The following DTWD2 variants were observed in gnomAD, a reference collection of about 807,000 sequenced individuals.
DTWD2 encodes the protein tRNA-uridine aminocarboxypropyltransferase 2.
In DTWD2, 39 loss-of-function variants were observed where a neutral mutation model predicts 31.8. The ratio of observed to expected loss-of-function variants is 1.22; its 90% CI spans 0.95 to 1.60. The LOEUF (loss-of-function observed/expected upper bound fraction) is 1.60, where lower values mean the gene tolerates loss of function less well. DTWD2 is among the 40% of genes most tolerant of loss of function. The pLI is 0.00. For synonymous variants in DTWD2, 180 were observed against 142.8 expected, an observed-to-expected ratio of 1.26 and a Z score of -1.86; for missense variants, 515 against 381.5, an observed-to-expected ratio of 1.35 and a Z score of -2.92.
At chr5:118,879,397 G>A (rs1328768705) in intron 4 of DTWD2, among the ~76,000 whole-genome samples, 1 of 152,050 alleles carries the variant, frequency 6.6e-6, no homozygotes, top group African/African-American at 2.4e-5. Flanking sequence ...GACTTTGGGA[G>A]GTCAAGAGTT....
intron 4 of DTWD2, among the ~76,000 whole-genome samples, chr5:118,873,247 A>T (rs1359629768): frequency 6.6e-6 from 1 of 152,148 alleles, no homozygotes; most frequent in Non-Finnish European, 1.5e-5. Context: ...TTGCTCCCAT[A>T]AGAGACTTTA....
intron 4 of DTWD2, among the ~76,000 whole-genome samples, chr5:118,870,266 T>C (rs1374853058): frequency 6.6e-6 from 1 of 152,254 alleles, no homozygotes; most frequent in Non-Finnish European, 1.5e-5. Flanking sequence ...TGACGTTTAC[T>C]ATAGCACTGC....
rs1183841735 is a variant in DTWD2 at position 118,964,651 on chromosome 5, G to A, written c.219-20002C>T. 5.9e-5 allele frequency among the ~76,000 whole-genome samples: 9 copies of A among 152,324 alleles called. No individual in the cohort carries two copies. In the East Asian group the frequency reaches 7.7e-4, roughly 13 times the overall value. On this transcript the variant is annotated intron_variant, in intron 1 of 5. Coordinates refer to ENST00000510708, the MANE Select transcript of DTWD2 (RefSeq NM_173666.4). ...GAGACGGGGTTTCGCTGTGTTGGCC[G>A]GGCTGGTCTCCAGCTCCTAACCACG...
At chr5:118,942,478 T>C (rs148913121) in intron 2 of DTWD2, among the ~76,000 whole-genome samples, 1 of 151,450 alleles carries the variant, frequency 6.6e-6, no homozygotes, top group Non-Finnish European at 1.5e-5. Flanking sequence ...GGATTAATAA[T>C]GGTCAAAAAT....
chr5:118,971,047 A>T (rs1358319586), intron 1 of DTWD2, among the ~76,000 whole-genome samples: 1 of 152,172 alleles, frequency 6.6e-6, no homozygotes, highest in Admixed American at 6.5e-5. Context: ...GAAGTACGCA[A>T]ATCAGTGACA....
At position 118,900,876 on chromosome 5, in the gene DTWD2, G is replaced by C. The variant is rs572018304; in HGVS notation, c.597+27661C>G. The stretch of plus-strand genomic sequence containing the variant: ...GGAGGCAGAGCTTGCAGTGACCCGA[G>C]ATCACGCCACTGCCCTCCAGCCTGG... On this transcript the variant is annotated intron_variant, in intron 4 of 5. Transcript: ENST00000510708. 1.5e-3 allele frequency among the ~76,000 whole-genome samples: 230 copies of C among 150,124 alleles called. 2 individuals are homozygous for C. Among genetic ancestry groups the C allele is most frequent in the East Asian group, 2.2e-3 (11 of 5,078 alleles).
chr5:118,947,194 T>C (rs963348095), intron 1 of DTWD2, among the ~76,000 whole-genome samples: 1 of 151,992 alleles, frequency 6.6e-6, no homozygotes, highest in African/African-American at 2.4e-5. Flanking sequence ...CCCCCGGCAG[T>C]GTCTAGGTGA....
chr5:118,879,493 C>T (rs1752692217), intron 4 of DTWD2, among the ~76,000 whole-genome samples: 1 of 151,556 alleles, frequency 6.6e-6, no homozygotes, highest in African/African-American at 2.4e-5. Context: ...ACCTGTAGTC[C>T]CAGCTACTTG....
rs370188748 is a variant in DTWD2, at chr5:118,850,426, C to T, written c.598-2208G>A. 5.3e-5 allele frequency among the ~76,000 whole-genome samples: 6 copies of T among 112,560 alleles called. No homozygotes were observed. The East Asian group carries it at 1.5e-3, about 29-fold the overall frequency. 73.8% of individuals were successfully genotyped at this position (112,560 alleles called of 152,430 possible). A position where few individuals can be genotyped will look rare whatever the true frequency, so the allele number is the denominator to read the frequency against. On this transcript the variant is annotated intron_variant, in intron 4 of 5. Coordinates refer to ENST00000510708, the MANE Select transcript of DTWD2 (RefSeq NM_173666.4). The stretch of plus-strand genomic sequence containing the variant: ...TCTGGAGGCAGAGGTTGCAGTGAGT[C>T]AAGATGGTACCACTGCACTCCAGAC...
intron 4 of DTWD2, among the ~76,000 whole-genome samples, chr5:118,920,380 C>A (rs551946259): frequency 4.1e-4 from 63 of 151,834 alleles, no homozygotes; most frequent in Middle Eastern, 3.4e-3. Context: ...TATATATGAA[C>A]ACAGAAAAAC....
intron 4 of DTWD2, among the ~76,000 whole-genome samples, chr5:118,874,218 A>G (rs1001639080): frequency 3.9e-5 from 6 of 152,200 alleles, no homozygotes; most frequent in Admixed American, 3.9e-4. Flanking sequence ...GAGCAATCTC[A>G]AAGACTGAAT....
chr5:118,873,157 G>A lies in DTWD2; in HGVS notation c.598-24939C>T, dbSNP rs528062438. On this transcript the variant is annotated intron_variant, in intron 4 of 5. Coordinates refer to ENST00000510708, the MANE Select transcript of DTWD2 (RefSeq NM_173666.4). ...GGACACTGAGGTAGCAGGAAAAGCT[G>A]CTTAGAGAACCCAGAGGGTTTGGTG... is the stretch of plus-strand genomic sequence containing the variant. 3.9e-5 allele frequency among the ~76,000 whole-genome samples: 6 copies of A among 152,326 alleles called. No individual in the cohort carries two copies. In the South Asian group the frequency reaches 1.2e-3, roughly 32 times the overall value.
intron 5 of DTWD2, among the ~76,000 whole-genome samples, chr5:118,843,177 G>A (rs1329866893): frequency 1.3e-5 from 2 of 151,624 alleles, no homozygotes; most frequent in African/African-American, 2.4e-5. Flanking sequence ...GGCTGGTCTC[G>A]AACTCCTGAC....
chr5:118,848,019 A>C, intron 5 of DTWD2, 71 bp downstream of exon 5: 1 of 1,386,116 alleles, frequency 7.2e-7, no homozygotes, highest in Non-Finnish European at 9.5e-7. Flanking sequence ...TTTAACAAGC[A>C]TGTCTAAATC....
At position 118,928,673 on chromosome 5, in the gene DTWD2, C is replaced by A. The variant is rs370707862; in HGVS notation, c.461G>T (p.Gly154Val). 1 of 1,593,118 alleles carries A rather than the reference C, an allele frequency of 6.3e-7. No homozygotes were observed. The highest frequency in any genetic ancestry group is 8.6e-7 in the Non-Finnish European group (1 of 1,169,008). The part of the protein sequence containing the change: ...RKSGTLILYP[G>V]AEAANLEEFI... ...TTCTTCCAAATTAGCAGCTTCAGCC[C>A]CTGGATATAATATTAATGTACCAGA... The change falls in exon 4 of 6, where the codon GGG becomes GTG. Residue 154 changes from glycine to valine, a missense_variant. By Grantham distance (109) the Gly-to-Val change is moderately radical. Transcript: ENST00000510708.
chr5:118,912,059 T>C (rs1753469493), intron 4 of DTWD2, among the ~76,000 whole-genome samples: 1 of 152,352 alleles, frequency 6.6e-6, no homozygotes, highest in Admixed American at 6.5e-5. Context: ...GACACCTTTC[T>C]ATAATTCATC....
Position 118,960,121 on chromosome 5 carries a change from C to T in DTWD2, c.219-15472G>A, listed in dbSNP as rs2149592602. On this transcript the variant is annotated intron_variant, in intron 1 of 5. Coordinates refer to ENST00000510708, the MANE Select transcript of DTWD2 (RefSeq NM_173666.4). Reference sequence around the variant, plus strand: ...ACTTAATTAAAAAGTTTCTGCAAAGCAAAAGAAACTTATCAACAGAGTAAA... The same window carrying T: ...ACTTAATTAAAAAGTTTCTGCAAAGTAAAAGAAACTTATCAACAGAGTAAA... 1.3e-5 allele frequency among the ~76,000 whole-genome samples: 2 copies of T among 152,030 alleles called. 1 individual carries two copies. Among genetic ancestry groups the T allele is most frequent in the South Asian group, 4.2e-4 (2 of 4,810 alleles).
At chr5:118,972,794 T>A (rs115190108) in intron 1 of DTWD2, among the ~76,000 whole-genome samples, 1 of 152,208 alleles carries the variant, frequency 6.6e-6, no homozygotes, top group Non-Finnish European at 1.5e-5. Flanking sequence ...GTTGGCTTCA[T>A]CCCTGGGATC....
chr5:118,880,907 T>C (rs1161267628), intron 4 of DTWD2, among the ~76,000 whole-genome samples: 1 of 152,204 alleles, frequency 6.6e-6, no homozygotes, highest in African/African-American at 2.4e-5. Context: ...TACAGCTTTT[T>C]GGAACTCGCT....
Sources: gnomAD v4.1 joint callset for allele counts (sites outside exome capture counted in the v4.1 genomes callset) on GRCh38, gnomAD v4.1.1 for gene constraint, MANE v1.5 for transcripts, NCBI Gene and HGNC (gene_info 2026-07-23, HGNC 2026-07-21) for gene names.